SLC7A2: variants seen among roughly 807,000 people sequenced by gnomAD.
SLC7A2 encodes solute carrier family 7 member 2, also known as cationic amino acid transporter 2.
In SLC7A2, 48 loss-of-function variants were observed where a neutral mutation model predicts 58.9. The observed-to-expected ratio is 0.82, with a 90% CI of 0.65 to 1.04. The LOEUF (loss-of-function observed/expected upper bound fraction) is 1.04, where lower values mean the gene tolerates loss of function less well. Ranked by LOEUF, SLC7A2 falls within the 50% of genes least tolerant of loss-of-function variation. SLC7A2 has a pLI of 0.00. For synonymous variants in SLC7A2, 363 were observed against 314.5 expected (o/e 1.15, Z -1.63); for missense variants, 1,029 against 818.8 (o/e 1.26, Z -3.13).
At chr8:17,506,607 T>G (rs1240752841) in intron 2 of SLC7A2, among the ~76,000 whole-genome samples, 1 of 152,260 alleles carries the variant, frequency 6.6e-6, no homozygotes, top group Non-Finnish European at 1.5e-5. Context: ...TTTTTATAGG[T>G]TAAGAGACTG....
At chr8:17,499,590 C>A (rs1800076347) in intron 1 of SLC7A2, among the ~76,000 whole-genome samples, 1 of 150,550 alleles carries the variant, frequency 6.6e-6, no homozygotes, top group African/African-American at 2.5e-5. Context: ...AGACTACCTA[C>A]TAGATGCCAA....
At chr8:17,503,560 A>T (rs114076574) in intron 2 of SLC7A2, among the ~76,000 whole-genome samples, 296 of 152,102 alleles carry the variant, frequency 1.9e-3, no homozygotes, top group African/African-American at 6.8e-3. Context: ...CAAAAATTCA[A>T]ATGGCAACTC....
rs745855733 is a variant in SLC7A2, at chr8:17,560,489, C to G, written c.1460C>G (p.Thr487Arg). Residue 487 changes from threonine (T) to arginine (R), a missense_variant, in exon 10 of 13, where the codon ACA (threonine) becomes AGA (arginine). Thr to Arg is a moderately conservative substitution (Grantham distance 71). Transcript: ENST00000494857. ...RTLFCPSLLP[T>R]QQSASLVSFL... ...CTCTTCTGCCCCTCCCTTCTGCCAA[C>G]ACAGCAGTCAGCTTCTCTCGTGAGC... The G allele has an allele frequency of 5.6e-6, 9 of 1,613,858 alleles. No homozygotes were observed. The East Asian group carries it at 2.0e-4, about 36-fold the overall frequency.
At chr8:17,564,674 C>T (rs1803178199) in intron 12 of SLC7A2, among the ~76,000 whole-genome samples, 1 of 152,134 alleles carries the variant, frequency 6.6e-6, no homozygotes, top group Non-Finnish European at 1.5e-5. Context: ...TGCTGCCCTG[C>T]TCTGACAGGA....
intron 2 of SLC7A2, among the ~76,000 whole-genome samples, chr8:17,525,528 G>T (rs1801187472): frequency 6.6e-6 from 1 of 152,182 alleles, no homozygotes; most frequent in South Asian, 2.1e-4. Flanking sequence ...ATACGGGTTT[G>T]GGTGTATGAA....
chr8:17,561,125 T>C (rs187528698), intron 10 of SLC7A2, among the ~76,000 whole-genome samples: 1 of 152,026 alleles, frequency 6.6e-6, no homozygotes, highest in Non-Finnish European at 1.5e-5. Flanking sequence ...AGAGATGGGG[T>C]GGTGATGTCA....
intron 2 of SLC7A2, among the ~76,000 whole-genome samples, chr8:17,513,798 C>T (rs1025507455): frequency 6.6e-6 from 1 of 152,084 alleles, no homozygotes; most frequent in Admixed American, 6.6e-5. Context: ...GTCCCACTTA[C>T]AACAGCGCTA....
At chr8:17,510,716 T>G (rs1219640117) in intron 2 of SLC7A2, 1 of 152,154 alleles carries the variant, frequency 6.6e-6, no homozygotes, top group Non-Finnish European at 1.5e-5. Context: ...GAGCCAGAAA[T>G]GAAATACCAT....
chr8:17,509,237 C>T (rs1304049421), intron 2 of SLC7A2, among the ~76,000 whole-genome samples: 1 of 152,154 alleles, frequency 6.6e-6, no homozygotes, highest in Non-Finnish European at 1.5e-5. Flanking sequence ...ATCCATGAAT[C>T]AGAATTCAGG....
intron 2 of SLC7A2, among the ~76,000 whole-genome samples, chr8:17,517,688 A>C (rs1800856310): frequency 6.6e-6 from 1 of 152,074 alleles, no homozygotes; most frequent in South Asian, 2.1e-4. Flanking sequence ...TTCAGTTTTA[A>C]GGCAGTAATA....
chr8:17,561,874 G>A, intron 10 of SLC7A2, 70 bp from the exon 11 acceptor site: 1 of 1,415,590 alleles, frequency 7.1e-7, no homozygotes, highest in South Asian at 1.2e-5. Context: ...ATCAGAATAT[G>A]CTGTTTTGCA....
At chr8:17,521,585 G>A (rs549018770) in intron 2 of SLC7A2, among the ~76,000 whole-genome samples, 15 of 152,346 alleles carry the variant, frequency 9.8e-5, no homozygotes, top group East Asian at 5.8e-4. Flanking sequence ...GAAGACAGCC[G>A]TGGCAGGAGC....
chr8:17,529,256 G>T (rs1801339682), intron 2 of SLC7A2, among the ~76,000 whole-genome samples: 1 of 152,150 alleles, frequency 6.6e-6, no homozygotes, highest in Non-Finnish European at 1.5e-5. Context: ...CACACGTCTT[G>T]TGTACGTACA....
At chr8:17,504,052 C>T (rs1189617167) in intron 2 of SLC7A2, among the ~76,000 whole-genome samples, 5 of 152,170 alleles carry the variant, frequency 3.3e-5, no homozygotes, top group Non-Finnish European at 5.9e-5. Context: ...TGTGATTCCC[C>T]AAGCAAAGTG....
chr8:17,537,953 T>C (rs1364170985), intron 2 of SLC7A2, among the ~76,000 whole-genome samples: 1 of 152,202 alleles, frequency 6.6e-6, no homozygotes, highest in East Asian at 1.9e-4. Context: ...TTTTTCTGCA[T>C]CTCTTTGAGC....
At chr8:17,500,244 C>T (rs1418837720) in intron 1 of SLC7A2, 3 of 152,212 alleles carry the variant, frequency 2.0e-5, no homozygotes, top group African/African-American at 4.8e-5. Context: ...TTTACATGCT[C>T]TCTCTAATAC....
chr8:17,524,889 C>T (rs1467455144), intron 2 of SLC7A2, among the ~76,000 whole-genome samples: 1 of 151,964 alleles, frequency 6.6e-6, no homozygotes, highest in Non-Finnish European at 1.5e-5. Flanking sequence ...GATGAATTTC[C>T]CTGTGCTCAC....
intron 3 of SLC7A2, 95 bp from the exon 4 acceptor site, chr8:17,544,356 T>C: frequency 9.4e-7 from 1 of 1,067,426 alleles, no homozygotes; most frequent in Non-Finnish European, 1.4e-6. Context: ...TTTTCAATCT[T>C]TTGTGAACTC....
rs974019893 is a variant in SLC7A2 at position 17,569,937 on chromosome 8, T to C, written c.*4791T>C. 2.6e-5 allele frequency: 4 copies of C among 152,138 alleles called. No individual in the cohort carries two copies. The highest frequency in any genetic ancestry group is 9.7e-5 in the African/African-American group (4 of 41,420). The allele number at this position is 152,138 out of a possible 1,614,324, so 9.4% of individuals were successfully genotyped here. On this transcript the variant is annotated 3_prime_UTR_variant, in exon 13 of 13. Transcript: ENST00000494857. ...GTGTAGCTACCCTTGTTGGGTGGGC[T>C]CTTAGACTGATGGGGTAGGATATGA...
Sources: gnomAD v4.1 joint callset for allele counts (sites outside exome capture counted in the v4.1 genomes callset) on GRCh38, gnomAD v4.1.1 for gene constraint, MANE v1.5 for transcripts, NCBI Gene and HGNC (gene_info 2026-07-23, HGNC 2026-07-21) for gene names.